MGAT4A: variants seen among roughly 807,000 people sequenced by gnomAD.
The protein encoded by MGAT4A is alpha-1,3-mannosyl-glycoprotein 4-beta-N-acetylglucosaminyltransferase A.
In MGAT4A, 33 loss-of-function variants were observed where a neutral mutation model predicts 74.1. The ratio of observed to expected loss-of-function variants is 0.45; its 90% CI spans 0.34 to 0.60. MGAT4A has a LOEUF of 0.60. Among genes scored for constraint, MGAT4A ranks in the 20% least tolerant of loss-of-function variants. The pLI is 0.02. For missense variants in MGAT4A, 479 were observed against 628.3 expected (o/e 0.76, Z 2.54); for synonymous variants, 198 against 210.4 (o/e 0.94, Z 0.51).
intron 2 of MGAT4A, among the ~76,000 whole-genome samples, chr2:98,721,541 C>A (rs1248659094): frequency 6.6e-6 from 1 of 151,802 alleles, no homozygotes; most frequent in Non-Finnish European, 1.5e-5. Flanking sequence ...CTGTAATGGG[C>A]TAAGGAAATA....
intron 12 of MGAT4A, among the ~76,000 whole-genome samples, chr2:98,636,870 C>T (rs1412795646): frequency 4.6e-5 from 7 of 152,106 alleles, no homozygotes; most frequent in African/African-American, 1.7e-4. Flanking sequence ...TAGATATTTT[C>T]AAAAAGGATG....
chr2:98,674,899 T>G, intron 4 of MGAT4A, 136 bp downstream of exon 4: 1 of 790,446 alleles, frequency 1.3e-6, no homozygotes, highest in East Asian at 3.0e-5. Context: ...ACATGGAGTT[T>G]AGAATGATCT....
At chr2:98,682,830 T>C (rs903725885) in intron 2 of MGAT4A, among the ~76,000 whole-genome samples, 1 of 152,302 alleles carries the variant, frequency 6.6e-6, no homozygotes, top group South Asian at 2.1e-4. Context: ...CTCACGCCTG[T>C]AATCCCAGCA....
chr2:98,674,970 C>G (rs1193935608), intron 4 of MGAT4A, 65 bp downstream of exon 4: 1 of 1,540,358 alleles, frequency 6.5e-7, no homozygotes, highest in Non-Finnish European at 8.8e-7. Flanking sequence ...TGATGGTCAA[C>G]ATAATAGTCC....
intron 5 of MGAT4A, among the ~76,000 whole-genome samples, chr2:98,662,554 G>A (rs1405869944): frequency 6.6e-6 from 1 of 151,984 alleles, no homozygotes. Flanking sequence ...TTACTCTAGG[G>A]TCTTATTCCT....
Position 98,624,380 on chromosome 2 carries a change from T to G in MGAT4A, c.*1186A>C. 1 of 956,950 alleles carries G rather than the reference T, an allele frequency of 1.0e-6. No homozygotes were observed. Among genetic ancestry groups the G allele is most frequent in the Non-Finnish European group, 1.2e-6 (1 of 804,054 alleles). 59.3% of individuals were successfully genotyped at this position (956,950 alleles called of 1,614,324 possible). A position where few individuals can be genotyped will look rare whatever the true frequency, so the allele number is the denominator to read the frequency against. ...TTGCTGAGACCGGTAATATTCTTTG[T>G]TTATAGTAGTAATATCATTTGGAAT... On this transcript the variant is annotated 3_prime_UTR_variant, in exon 16 of 16. Coordinates refer to ENST00000393487, the MANE Select transcript of MGAT4A (RefSeq NM_012214.3).
intron 8 of MGAT4A, among the ~76,000 whole-genome samples, chr2:98,653,295 A>G (rs918819172): frequency 2.0e-5 from 3 of 151,116 alleles, no homozygotes; most frequent in African/African-American, 7.3e-5. Flanking sequence ...AAATTAGCAG[A>G]AGGGAGAAAA....
intron 3 of MGAT4A, among the ~76,000 whole-genome samples, chr2:98,678,096 G>A (rs2104289312): frequency 6.6e-6 from 1 of 151,240 alleles, no homozygotes; most frequent in East Asian, 1.9e-4. Context: ...CAGGTGTGGT[G>A]GCGGGCGCCT....
intron 10 of MGAT4A, among the ~76,000 whole-genome samples, chr2:98,642,335 T>C (rs1701422911): frequency 6.6e-6 from 1 of 152,088 alleles, no homozygotes. Context: ...TGATAACCCT[T>C]TGGGACAATG....
At chr2:98,628,117 G>C (rs912231489) in intron 14 of MGAT4A, among the ~76,000 whole-genome samples, 1 of 151,916 alleles carries the variant, frequency 6.6e-6, no homozygotes, top group Non-Finnish European at 1.5e-5. Flanking sequence ...AGGTTGTACT[G>C]AATTTGTGTT....
At chr2:98,632,054 G>A (rs1388445613) in intron 14 of MGAT4A, among the ~76,000 whole-genome samples, 1 of 151,954 alleles carries the variant, frequency 6.6e-6, no homozygotes, top group African/African-American at 2.4e-5. Context: ...CGCTTGCAGT[G>A]AGCCGGGATT....
chr2:98,662,908 C>A, intron 5 of MGAT4A, 138 bp downstream of exon 5: 2 of 565,100 alleles, frequency 3.5e-6, no homozygotes, highest in Non-Finnish European at 5.7e-6. Context: ...ATTAAACTAC[C>A]AGATAGAATA....
chr2:98,731,090 T>C lies in MGAT4A; in HGVS notation c.-278A>G, dbSNP rs866357833. On this transcript the variant is annotated 5_prime_UTR_variant, in exon 1 of 16. Coordinates refer to ENST00000393487, the MANE Select transcript of MGAT4A (RefSeq NM_012214.3). The surrounding 1 kb of genome is among the most constrained non-coding windows in gnomAD (Gnocchi z 4.8). ...GTGCTCCCGCGGCTGCCGGCGGAGC[T>C]GCTGTAGCCGCCGCCGCCGCTGCCG... 1 of 124,934 alleles carries C rather than the reference T, an allele frequency of 8.0e-6. No individual in the cohort carries two copies. Among genetic ancestry groups the C allele is most frequent in the Non-Finnish European group, 1.7e-5 (1 of 59,758 alleles). The allele number at this position is 124,934 out of a possible 1,614,324, so 7.7% of individuals were successfully genotyped here. A position where few individuals can be genotyped will look rare whatever the true frequency, so the allele number is the denominator to read the frequency against.
intron 8 of MGAT4A, among the ~76,000 whole-genome samples, chr2:98,652,365 G>A (rs1237079803): frequency 1.5e-5 from 2 of 134,104 alleles, no homozygotes; most frequent in Admixed American, 1.6e-4. Context: ...GAGTCTCACT[G>A]TGTCGCCCAG....
At chr2:98,682,945 G>A (rs969507463) in intron 2 of MGAT4A, among the ~76,000 whole-genome samples, 4 of 152,020 alleles carry the variant, frequency 2.6e-5, no homozygotes, top group Admixed American at 6.6e-5. Flanking sequence ...AAATTTAGCC[G>A]GGCGTGGTGG....
chr2:98,660,456 A>T (rs1425209194), intron 5 of MGAT4A, among the ~76,000 whole-genome samples: 1 of 144,200 alleles, frequency 6.9e-6, no homozygotes, highest in East Asian at 2.1e-4. Flanking sequence ...ACACACACAC[A>T]CAACAAATAG....
At chr2:98,656,212 G>A (rs940697767) in intron 7 of MGAT4A, 140 bp downstream of exon 7, 32 of 623,960 alleles carry the variant, frequency 5.1e-5, no homozygotes, top group African/African-American at 2.9e-4. Flanking sequence ...ATTTCCAAGC[G>A]GTCCTGGACT....
rs1701048059 is a variant in MGAT4A at position 98,620,582 on chromosome 2, T to C, written c.*4984A>G. ...GCAGAGAGGTATTTGCAAAACATTC[T>C]CAAACTACAAACATTTGGCTGGCCC... On this transcript the variant is annotated 3_prime_UTR_variant, in exon 16 of 16. Transcript: ENST00000393487. 1 of 152,164 alleles carries C rather than the reference T, an allele frequency of 6.6e-6. No homozygotes were observed. The highest frequency in any genetic ancestry group is 1.5e-5 in the Non-Finnish European group (1 of 68,030). The allele number at this position is 152,164 out of a possible 1,614,324, so 9.4% of individuals were successfully genotyped here.
At chr2:98,723,359 A>C (rs2104337556) in intron 2 of MGAT4A, among the ~76,000 whole-genome samples, 1 of 152,264 alleles carries the variant, frequency 6.6e-6, no homozygotes, top group East Asian at 1.9e-4. Flanking sequence ...CGTACCCCTG[A>C]AGATTGAGAG....
Sources: gnomAD v4.1 joint callset for allele counts (sites outside exome capture counted in the v4.1 genomes callset) on GRCh38, gnomAD v4.1.1 for gene constraint, Gnocchi (gnomAD v3.1) non-coding constraint, MANE v1.5 for transcripts, NCBI Gene and HGNC (gene_info 2026-07-23, HGNC 2026-07-21) for gene names.